PIK3C2G: variants seen among roughly 807,000 people sequenced by gnomAD.
PIK3C2G encodes phosphatidylinositol-4-phosphate 3-kinase catalytic subunit type 2 gamma.
A neutral mutation model predicts 181.1 loss-of-function variants in PIK3C2G; 168 were observed. That is an observed-to-expected ratio of 0.93 (90% CI 0.82 to 1.05). PIK3C2G has a LOEUF of 1.05. PIK3C2G is among the 50% of genes least tolerant of loss of function. PIK3C2G has a pLI of 0.00. For synonymous variants in PIK3C2G, 573 were observed against 592.2 expected (o/e 0.97, Z 0.47); for missense variants, 1,869 against 1,732.8 (o/e 1.08, Z -1.40).
chr12:18,582,444 G>A (rs111278351), intron 29 of PIK3C2G, among the ~76,000 whole-genome samples: 116 of 152,240 alleles, frequency 7.6e-4, no homozygotes, highest in Admixed American at 2.5e-3. Context: ...ACTGAGCTAC[G>A]TAGAATCTTG....
intron 5 of PIK3C2G, among the ~76,000 whole-genome samples, chr12:18,302,056 A>G (rs1950198343): frequency 6.6e-6 from 1 of 152,186 alleles, no homozygotes; most frequent in Non-Finnish European, 1.5e-5. Flanking sequence ...TGCTAGGGAC[A>G]AGGATACTGG....
At chr12:18,330,815 CTT>C (rs1293823184) in intron 8 of PIK3C2G, among the ~76,000 whole-genome samples, 2 of 152,206 alleles carry the variant, frequency 1.3e-5, no homozygotes, top group Non-Finnish European at 2.9e-5. Flanking sequence ...GTATTGAAAA[CTT>C]TGTCTCCCTG....
chr12:18,559,052 A>G (rs146505045), intron 26 of PIK3C2G, among the ~76,000 whole-genome samples: 1 of 152,282 alleles, frequency 6.6e-6, no homozygotes, highest in African/African-American at 2.4e-5. Context: ...TGTTTGCACA[A>G]ATATATAGAG....
At chr12:18,701,995 G>T in the PIK3C2G span, among the ~76,000 whole-genome samples, 1 of 152,052 alleles carries the variant, frequency 6.6e-6, no homozygotes, top group Non-Finnish European at 1.5e-5. Context: ...AGCCTGTTAT[G>T]ATTGAGACTT....
chr12:18,262,155 G>A (rs1948269498), intron 1 of PIK3C2G, among the ~76,000 whole-genome samples: 3 of 152,024 alleles, frequency 2.0e-5, no homozygotes, highest in Admixed American at 6.6e-5. Context: ...TCTGCTGTTT[G>A]CCTACCTCTT....
intron 25 of PIK3C2G, among the ~76,000 whole-genome samples, chr12:18,544,387 C>G (rs1003955742): frequency 6.6e-6 from 1 of 151,788 alleles, no homozygotes; most frequent in Non-Finnish European, 1.5e-5. Context: ...CATTATCTAG[C>G]TGGGATCTTA....
At chr12:18,391,796 G>A (rs1943547011) in intron 15 of PIK3C2G, among the ~76,000 whole-genome samples, 1 of 152,072 alleles carries the variant, frequency 6.6e-6, no homozygotes, top group African/African-American at 2.4e-5. Flanking sequence ...GCATGTCACA[G>A]CTGATCATGC....
At chr12:18,447,599 G>A (rs903116922) in intron 18 of PIK3C2G, among the ~76,000 whole-genome samples, 1 of 152,018 alleles carries the variant, frequency 6.6e-6, no homozygotes, top group Admixed American at 6.6e-5. Flanking sequence ...AATATGTTAC[G>A]AGGGAGTATT....
At chr12:18,501,807 C>G (rs192584022) in intron 22 of PIK3C2G, among the ~76,000 whole-genome samples, 1 of 152,074 alleles carries the variant, frequency 6.6e-6, no homozygotes. Context: ...CCTAGATCAA[C>G]GTAGTTGGAA....
chr12:18,678,524 G>A, the PIK3C2G span, among the ~76,000 whole-genome samples: 20 of 151,790 alleles, frequency 1.3e-4, no homozygotes, highest in African/African-American at 3.6e-4. Context: ...CATCCCTAAC[G>A]CCATTCACTG....
intron 18 of PIK3C2G, among the ~76,000 whole-genome samples, chr12:18,432,627 CA>C (rs1431113631): frequency 6.6e-6 from 1 of 152,030 alleles, no homozygotes; most frequent in African/African-American, 2.4e-5. Flanking sequence ...ATATGGTTGG[CA>C]AAAAGGCATT....
chr12:18,324,052 C>T (rs919037053), intron 7 of PIK3C2G, among the ~76,000 whole-genome samples: 8 of 151,876 alleles, frequency 5.3e-5, no homozygotes, highest in Admixed American at 1.3e-4. Flanking sequence ...AACCCCGTCT[C>T]TACTAAAAAT....
chr12:18,425,716 A>T (rs1408459745), intron 18 of PIK3C2G, among the ~76,000 whole-genome samples: 1 of 152,200 alleles, frequency 6.6e-6, no homozygotes, highest in African/African-American at 2.4e-5. Flanking sequence ...AAAATATTTT[A>T]TACTTAAAAA....
At chr12:18,719,491 T>C in the PIK3C2G span, 3 of 1,588,972 alleles carry the variant, frequency 1.9e-6, no homozygotes, top group South Asian at 3.5e-5. Flanking sequence ...ATATGTGTTA[T>C]GTGAAGATGA....
chr12:18,615,216 A>G lies in PIK3C2G; in HGVS notation c.4182+5587A>G, dbSNP rs1017586. ...TCTCACCTATACATGAGAATATAAAATGTTTAGTTTCCCATTCCTGAGTTG... is the reference window on the plus strand; with the variant it reads ...TCTCACCTATACATGAGAATATAAAGTGTTTAGTTTCCCATTCCTGAGTTG... On this transcript the variant is annotated intron_variant, in intron 31 of 32. Coordinates refer to ENST00000538779, the MANE Select transcript of PIK3C2G (RefSeq NM_001288772.2). Among the ~76,000 whole-genome samples the G allele has an allele frequency of 5.2e-3, 788 of 152,052 alleles. 4 individuals are homozygous for G. Among genetic ancestry groups the G allele is most frequent in the Non-Finnish European group, 8.0e-3 (541 of 67,944 alleles).
intron 1 of PIK3C2G, among the ~76,000 whole-genome samples, chr12:18,249,819 T>C (rs1250120626): frequency 6.6e-6 from 1 of 152,068 alleles, no homozygotes; most frequent in Non-Finnish European, 1.5e-5. Context: ...ATATCTTATA[T>C]TTCACAAAGC....
intron 24 of PIK3C2G, among the ~76,000 whole-genome samples, chr12:18,529,197 CA>C (rs1943410848): frequency 6.6e-6 from 1 of 151,532 alleles, no homozygotes; most frequent in Non-Finnish European, 1.5e-5. Flanking sequence ...TTAAAAACTA[CA>C]ATTAAATGTC....
At chr12:18,487,093 A>ATT (rs1011833460) in intron 18 of PIK3C2G, among the ~76,000 whole-genome samples, 5 of 77,092 alleles carry the variant, frequency 6.5e-5, no homozygotes, top group African/African-American at 2.2e-4. Flanking sequence ...CCCTTGAGGT[A>ATT]TTTTGTGTGT....
chr12:18,670,076 T>C, the PIK3C2G span, among the ~76,000 whole-genome samples: 6 of 152,102 alleles, frequency 3.9e-5, no homozygotes, highest in South Asian at 2.1e-4. Flanking sequence ...TACCACCCCA[T>C]TGGGAGTTAG....
Sources: allele counts gnomAD v4.1 joint callset (sites outside exome capture counted in the v4.1 genomes callset), GRCh38; gene constraint gnomAD v4.1.1; transcripts MANE v1.5; gene names NCBI Gene and HGNC (gene_info 2026-07-23, HGNC 2026-07-21).